Variants in HYCC1 observed in about 807,000 individuals in gnomAD.
HYCC1 encodes hyccin PI4KA lipid kinase complex subunit 1.
chr7:22,951,859 A>G, the HYCC1 span, among the ~76,000 whole-genome samples: 1 of 151,978 alleles, frequency 6.6e-6, no homozygotes, highest in Non-Finnish European at 1.5e-5. Flanking sequence ...AAAAGTTTAA[A>G]TAGAGTACAA....
the HYCC1 span, among the ~76,000 whole-genome samples, chr7:22,953,319 T>C: frequency 6.6e-6 from 1 of 151,850 alleles, no homozygotes; most frequent in African/African-American, 2.4e-5. Flanking sequence ...CAAATGCTCA[T>C]AAAAAGGTGG....
the HYCC1 span, among the ~76,000 whole-genome samples, chr7:23,007,372 C>T: frequency 6.6e-6 from 1 of 152,056 alleles, no homozygotes; most frequent in Admixed American, 6.6e-5. Context: ...CTGTCTTAAC[C>T]TCTGAGTCTC....
the HYCC1 span, among the ~76,000 whole-genome samples, chr7:22,981,084 C>T: frequency 1.3e-5 from 2 of 152,140 alleles, no homozygotes; most frequent in Non-Finnish European, 2.9e-5. Context: ...ACATATTTCC[C>T]TTACTTCATT....
At chr7:22,978,578 T>G in the HYCC1 span, 6 of 763,386 alleles carry the variant, frequency 7.9e-6, no homozygotes, top group African/African-American at 7.0e-5. Context: ...AGCTAAGTTG[T>G]AGGGAGTTTC....
chr7:23,009,897 G>C, the HYCC1 span, among the ~76,000 whole-genome samples: 1 of 152,110 alleles, frequency 6.6e-6, no homozygotes, highest in African/African-American at 2.4e-5. Context: ...CCTTAGTGCA[G>C]ATATGCAGCC....
the HYCC1 span, among the ~76,000 whole-genome samples, chr7:22,983,372 G>C: frequency 3.3e-5 from 5 of 151,588 alleles, no homozygotes; most frequent in East Asian, 1.9e-4. Context: ...AAAAAAGAAA[G>C]AGTGGTAGTG....
At chr7:22,952,849 T>C in the HYCC1 span, among the ~76,000 whole-genome samples, 1 of 151,890 alleles carries the variant, frequency 6.6e-6, no homozygotes, top group African/African-American at 2.4e-5. Context: ...GGCTGCACTC[T>C]GAGCAAGGGC....
chr7:22,945,237 A>T, the HYCC1 span: 1 of 315,642 alleles, frequency 3.2e-6, no homozygotes, highest in South Asian at 3.4e-5. Flanking sequence ...ACCAAACCAA[A>T]CCAAAACAAG....
At chr7:22,920,839 G>A in the HYCC1 span, among the ~76,000 whole-genome samples, 1 of 152,290 alleles carries the variant, frequency 6.6e-6, no homozygotes, top group Non-Finnish European at 1.5e-5. Flanking sequence ...AGTAGATCAT[G>A]AGGGTGGATC....
chr7:22,964,550 A>G, the HYCC1 span: 3 of 1,379,694 alleles, frequency 2.2e-6, no homozygotes, highest in South Asian at 1.2e-5. Flanking sequence ...ACCAAAATAA[A>G]TGTATTTCTA....
the HYCC1 span, among the ~76,000 whole-genome samples, chr7:23,008,397 A>C: frequency 6.6e-6 from 1 of 152,060 alleles, no homozygotes; most frequent in East Asian, 1.9e-4. Context: ...AGAAAACTCA[A>C]AACTACATCT....
chr7:22,898,715 G>A, the HYCC1 span, among the ~76,000 whole-genome samples: 33 of 149,740 alleles, frequency 2.2e-4, no homozygotes, highest in Admixed American at 1.7e-3. Context: ...TGATTCTCCT[G>A]CCTCAGCTTC....
At chr7:22,984,774 C>T in the HYCC1 span, among the ~76,000 whole-genome samples, 1 of 152,124 alleles carries the variant, frequency 6.6e-6, no homozygotes, top group Non-Finnish European at 1.5e-5. Flanking sequence ...GGCTGTTCTA[C>T]TTAACCAATT....
the HYCC1 span, among the ~76,000 whole-genome samples, chr7:22,999,791 GT>G: frequency 6.6e-6 from 1 of 152,128 alleles, no homozygotes; most frequent in Non-Finnish European, 1.5e-5. Context: ...CAAAAGAATA[GT>G]AAAATATGAT....
chr7:22,961,131 G>C, the HYCC1 span: 1 of 732,350 alleles, frequency 1.4e-6, no homozygotes, highest in Admixed American at 2.0e-5. Context: ...TGAATACACT[G>C]AGTATTAATG....
At chr7:22,985,824 T>G in the HYCC1 span, 1 of 148,744 alleles carries the variant, frequency 6.7e-6, no homozygotes, top group Admixed American at 6.7e-5. Flanking sequence ...ATTATATATA[T>G]AATTTATATA....
At chr7:22,960,522 C>G in the HYCC1 span, 1 of 870,664 alleles carries the variant, frequency 1.1e-6, no homozygotes, top group Non-Finnish European at 1.9e-6. Context: ...CAAAGAGGCT[C>G]TTCCCAAGCA....
At chr7:22,975,185 G>A in the HYCC1 span, among the ~76,000 whole-genome samples, 1 of 144,758 alleles carries the variant, frequency 6.9e-6, no homozygotes, top group Non-Finnish European at 1.5e-5. Flanking sequence ...AATTATCGAG[G>A]GGAATAATCT....
At chr7:22,998,223 A>T in the HYCC1 span, among the ~76,000 whole-genome samples, 1 of 152,218 alleles carries the variant, frequency 6.6e-6, no homozygotes, top group African/African-American at 2.4e-5. Context: ...AGAATGCAGC[A>T]AACAGAATGC....
Sources: gnomAD v4.1 joint callset for allele counts (sites outside exome capture counted in the v4.1 genomes callset) on GRCh38, gnomAD v4.1.1 for gene constraint, MANE v1.5 for transcripts, NCBI Gene and HGNC (gene_info 2026-07-23, HGNC 2026-07-21) for gene names.